CACNA1C: variants seen among roughly 807,000 people sequenced by gnomAD.
CACNA1C encodes calcium voltage-gated channel subunit alpha1 C.
Under a neutral mutation model 229.0 loss-of-function variants are expected in CACNA1C, and 30 were observed. The observed-to-expected ratio is 0.13, with a 90% CI of 0.10 to 0.18. The LOEUF (loss-of-function observed/expected upper bound fraction) is 0.18, where lower values mean the gene tolerates loss of function less well. Among genes scored for constraint, CACNA1C ranks in the 10% least tolerant of loss-of-function variants. CACNA1C has a pLI of 1.00. For synonymous variants in CACNA1C, 1,114 were observed against 1,132.5 expected (o/e 0.98, Z 0.33); for missense variants, 1,658 against 2,845.0 (o/e 0.58, Z 9.49).
chr12:2,385,062 G>A lies in CACNA1C; in HGVS notation c.478-63914G>A, dbSNP rs982498758. Among the ~76,000 whole-genome samples the A allele has an allele frequency of 5.3e-5, 8 of 152,150 alleles. No homozygotes were observed. The East Asian group carries it at 1.2e-3, about 22-fold the overall frequency. On this transcript the variant is annotated intron_variant, in intron 3 of 46. Transcript: ENST00000399655. ...CCCAAGGATTGAAACTGCCTGCCCC[G>A]AGCTGAAGACTTACAAAGACGTAGT... is the stretch of plus-strand genomic sequence containing the variant.
chr12:2,369,476 G>T (rs967134521), intron 3 of CACNA1C, among the ~76,000 whole-genome samples: 1 of 150,296 alleles, frequency 6.7e-6, no homozygotes, highest in Non-Finnish European at 1.5e-5. Context: ...TTGGCTCACT[G>T]CATCCCCCAC....
intron 3 of CACNA1C, among the ~76,000 whole-genome samples, chr12:2,308,329 G>A (rs1052934953): frequency 6.6e-6 from 1 of 152,008 alleles, no homozygotes; most frequent in African/African-American, 2.4e-5. Flanking sequence ...TATATGGCTT[G>A]CAAATATTTT....
At chr12:2,238,801 C>G (rs922028097) in intron 3 of CACNA1C, among the ~76,000 whole-genome samples, 2 of 152,190 alleles carry the variant, frequency 1.3e-5, no homozygotes, top group Non-Finnish European at 2.9e-5. Flanking sequence ...AGGAGAAAAT[C>G]TGCCTGGTTA....
intron 1 of CACNA1C, among the ~76,000 whole-genome samples, chr12:2,023,892 T>C (rs985046999): frequency 2.6e-5 from 4 of 152,380 alleles, no homozygotes; most frequent in Non-Finnish European, 5.9e-5. Context: ...AGATTATGAA[T>C]GCCTTCAAAG....
intron 28 of CACNA1C, among the ~76,000 whole-genome samples, chr12:2,611,054 G>C (rs1477307219): frequency 1.3e-5 from 2 of 150,978 alleles, no homozygotes; most frequent in Non-Finnish European, 2.9e-5. Context: ...GGAGGAGATG[G>C]AGGAGGGAGG....
chr12:2,192,387 G>A (rs1165664583), intron 3 of CACNA1C, among the ~76,000 whole-genome samples: 2 of 152,142 alleles, frequency 1.3e-5, no homozygotes, highest in African/African-American at 4.8e-5. Context: ...CCACCCCTGA[G>A]CTCAGCTCCA....
chr12:2,464,553 G>A (rs189823826), intron 5 of CACNA1C, among the ~76,000 whole-genome samples: 1 of 152,258 alleles, frequency 6.6e-6, no homozygotes, highest in Admixed American at 6.5e-5. Context: ...TGTCCTCATC[G>A]TCCCAGACTT....
At position 2,192,035 on chromosome 12, in the gene CACNA1C, CACAT is replaced by C. The variant is rs1221283852; in HGVS notation, c.477+71609_477+71612del. Among the ~76,000 whole-genome samples the C allele has an allele frequency of 1.2e-3, 183 of 149,186 alleles. 1 individual carries two copies. Among genetic ancestry groups the C allele is most frequent in the African/African-American group, 4.0e-3 (154 of 38,786 alleles). On this transcript the variant is annotated intron_variant, in intron 3 of 46. Transcript: ENST00000399655. ...ACGTTCACACATATACACGCACTCACACATACAGGCACACACATACACACTCAGG... is the reference window on the plus strand; with the variant it reads ...ACGTTCACACATATACACGCACTCACACAGGCACACACATACACACTCAGG...
intron 3 of CACNA1C, among the ~76,000 whole-genome samples, chr12:2,301,423 G>A (rs756426885): frequency 6.6e-5 from 10 of 152,118 alleles, no homozygotes; most frequent in South Asian, 2.1e-4. Flanking sequence ...GCAGAATTTC[G>A]CACAGAAGGT....
intron 3 of CACNA1C, among the ~76,000 whole-genome samples, chr12:2,240,994 A>C (rs1031997050): frequency 3.3e-5 from 5 of 152,138 alleles, no homozygotes; most frequent in African/African-American, 1.2e-4. Context: ...TATTAACCCA[A>C]ATGGAGTTAC....
intron 4 of CACNA1C, among the ~76,000 whole-genome samples, chr12:2,455,020 G>A (rs528286373): frequency 1.2e-4 from 18 of 152,220 alleles, no homozygotes; most frequent in South Asian, 8.3e-4. Context: ...CGTCCCACAC[G>A]GCCCTGCCCC....
At chr12:2,397,815 T>C (rs1395722995) in intron 3 of CACNA1C, among the ~76,000 whole-genome samples, 1 of 152,246 alleles carries the variant, frequency 6.6e-6, no homozygotes, top group East Asian at 1.9e-4. Context: ...GCCTCTGATT[T>C]AGGGGTAGGG....
chr12:2,378,362 C>G (rs1315150993), intron 3 of CACNA1C, among the ~76,000 whole-genome samples: 1 of 152,170 alleles, frequency 6.6e-6, no homozygotes, highest in African/African-American at 2.4e-5. Flanking sequence ...CCCTCTATGG[C>G]CTCTGCAATC....
At chr12:2,173,070 C>T (rs1008641725) in intron 3 of CACNA1C, among the ~76,000 whole-genome samples, 12 of 152,302 alleles carry the variant, frequency 7.9e-5, no homozygotes, top group Admixed American at 5.2e-4. Flanking sequence ...GTGTGTCCGG[C>T]GGTGTCTCTT....
At chr12:2,090,768 G>A (rs986512597) in intron 1 of CACNA1C, among the ~76,000 whole-genome samples, 6 of 152,318 alleles carry the variant, frequency 3.9e-5, no homozygotes, top group Admixed American at 2.6e-4. Context: ...AAGTAGGATT[G>A]CTGGATCATG....
rs2051077371 is a variant in CACNA1C at position 2,566,670 on chromosome 12, G to A, written c.1669+88G>A. The A allele has an allele frequency of 8.6e-7, 1 of 1,163,626 alleles. No homozygotes were observed. The highest frequency in any genetic ancestry group is 1.2e-6 in the Non-Finnish European group (1 of 827,348). 72.1% of individuals were successfully genotyped at this position (1,163,626 alleles called of 1,614,324 possible). A position where few individuals can be genotyped will look rare whatever the true frequency, so the allele number is the denominator to read the frequency against. On this transcript the variant is annotated intron_variant, in intron 12 of 46. Coordinates refer to ENST00000399655, the MANE Select transcript of CACNA1C (RefSeq NM_000719.7). The surrounding 1 kb of genome is among the most constrained non-coding windows in gnomAD (Gnocchi z 4.0). ...GAGGGCATAACCACAGGCAGAAGGT[G>A]GAGGGGAAAGCAGCCAATGGTCGGG...
At chr12:2,574,379 C>T (rs2057565847) in intron 13 of CACNA1C, among the ~76,000 whole-genome samples, 3 of 152,178 alleles carry the variant, frequency 2.0e-5, no homozygotes, top group Non-Finnish European at 2.9e-5. Flanking sequence ...AGATTCAATC[C>T]GGACGTGATA....
intron 3 of CACNA1C, among the ~76,000 whole-genome samples, chr12:2,179,798 C>T (rs1304226004): frequency 2.0e-5 from 3 of 152,196 alleles, no homozygotes; most frequent in Non-Finnish European, 4.4e-5. Flanking sequence ...GCTCCACGCT[C>T]ATTGGATGCT....
intron 6 of CACNA1C, among the ~76,000 whole-genome samples, chr12:2,492,955 A>T (rs1017945671): frequency 6.6e-6 from 1 of 152,226 alleles, no homozygotes; most frequent in Non-Finnish European, 1.5e-5. Context: ...TACAACAGTG[A>T]GTGGAAAGGA....
Sources: gnomAD v4.1 joint callset for allele counts (sites outside exome capture counted in the v4.1 genomes callset) on GRCh38, gnomAD v4.1.1 for gene constraint, Gnocchi (gnomAD v3.1) non-coding constraint, MANE v1.5 for transcripts, NCBI Gene and HGNC (gene_info 2026-07-23, HGNC 2026-07-21) for gene names.